CCDC91: variants seen among roughly 807,000 people sequenced by gnomAD.
CCDC91 encodes the protein coiled-coil domain containing 91, also known as coiled-coil domain-containing protein 91.
Under a neutral mutation model 63.2 loss-of-function variants are expected in CCDC91, and 48 were observed. The ratio of observed to expected loss-of-function variants is 0.76; its 90% CI spans 0.60 to 0.97. CCDC91 has a LOEUF of 0.97. Ranked by LOEUF, CCDC91 falls within the 50% of genes least tolerant of loss-of-function variation. The probability of loss-of-function intolerance (pLI) is 0.00; values close to 1 mark genes in which losing one functional copy is unlikely to be tolerated. For missense variants in CCDC91, 500 were observed against 494.6 expected, an observed-to-expected ratio of 1.01 and a Z score of -0.10; for synonymous variants, 167 against 165.8, an observed-to-expected ratio of 1.01 and a Z score of -0.06.
At chr12:28,445,759 T>C (rs1328794205) in intron 8 of CCDC91, among the ~76,000 whole-genome samples, 1 of 152,182 alleles carries the variant, frequency 6.6e-6, no homozygotes, top group Non-Finnish European at 1.5e-5. Context: ...AGGCCTCTTC[T>C]TTTGGCTTGT....
intron 8 of CCDC91, among the ~76,000 whole-genome samples, chr12:28,446,077 G>A (rs981667385): frequency 6.6e-6 from 1 of 152,138 alleles, no homozygotes; most frequent in Admixed American, 6.5e-5. Flanking sequence ...TAAAAACAAG[G>A]AGATTAAACC....
At chr12:28,425,525 C>T (rs563794213) in intron 8 of CCDC91, among the ~76,000 whole-genome samples, 1 of 152,206 alleles carries the variant, frequency 6.6e-6, no homozygotes, top group South Asian at 2.1e-4. Flanking sequence ...GTGTGCTGTT[C>T]CATAGGGAAA....
chr12:28,467,074 A>C (rs1950581994), intron 11 of CCDC91, among the ~76,000 whole-genome samples: 1 of 152,116 alleles, frequency 6.6e-6, no homozygotes, highest in Admixed American at 6.5e-5. Context: ...AGGAGACTAC[A>C]AAACAACCAC....
chr12:28,206,059 A>G (rs1259398323), intron 1 of CCDC91, among the ~76,000 whole-genome samples: 1 of 152,198 alleles, frequency 6.6e-6, no homozygotes, highest in Non-Finnish European at 1.5e-5. Flanking sequence ...TGTCCTGTTT[A>G]CAGGGGAAAA....
chr12:28,543,265 GGA>G (rs1942758445), intron 12 of CCDC91, among the ~76,000 whole-genome samples: 2 of 152,044 alleles, frequency 1.3e-5, no homozygotes, highest in Non-Finnish European at 2.9e-5. Flanking sequence ...TGTGGGGGTA[GGA>G]CTTGAACATA....
chr12:28,197,110 AT>A (rs963629099), intron 1 of CCDC91, among the ~76,000 whole-genome samples: 7 of 150,774 alleles, frequency 4.6e-5, no homozygotes, highest in African/African-American at 1.5e-4. Context: ...AAGTATATAC[AT>A]TTTTTTTTCA....
rs186963592 is a variant in CCDC91, at chr12:28,289,712, G to A, written c.110-15937G>A. 8.1e-3 allele frequency among the ~76,000 whole-genome samples: 811 copies of A among 100,484 alleles called. 14 individuals are homozygous for A. Among genetic ancestry groups the A allele is most frequent in the African/African-American group, 0.032 (787 of 24,436 alleles). The allele number at this position is 100,484 out of a possible 152,430, so 65.9% of individuals were successfully genotyped here. A position where few individuals can be genotyped will look rare whatever the true frequency, so the allele number is the denominator to read the frequency against. On this transcript the variant is annotated intron_variant, in intron 3 of 12. Transcript: ENST00000536442. ...TTTTTTTTTTTTTTTTTTTTTTGAC[G>A]ACGGAGTCTCACTCTGTTGCCCAGG...
intron 8 of CCDC91, among the ~76,000 whole-genome samples, chr12:28,418,215 C>T (rs2092276892): frequency 6.6e-6 from 1 of 152,096 alleles, no homozygotes; most frequent in Admixed American, 6.6e-5. Flanking sequence ...GGATTCTCAG[C>T]AGCTCTTGGC....
chr12:28,311,459 C>T (rs1265992412), intron 6 of CCDC91, among the ~76,000 whole-genome samples: 1 of 152,006 alleles, frequency 6.6e-6, no homozygotes, highest in African/African-American at 2.4e-5. Context: ...TCGAGGTCAT[C>T]TATGGGCACT....
intron 6 of CCDC91, among the ~76,000 whole-genome samples, chr12:28,345,418 A>T (rs1189088623): frequency 6.6e-6 from 1 of 152,106 alleles, no homozygotes; most frequent in Non-Finnish European, 1.5e-5. Context: ...TATATTGAAC[A>T]TTTAAGTGTT....
intron 12 of CCDC91, 23 bp from the exon 13 acceptor site, chr12:28,549,040 C>A: frequency 6.7e-7 from 1 of 1,484,626 alleles, no homozygotes; most frequent in Non-Finnish European, 9.4e-7. Context: ...CTCTTTCTCT[C>A]TCTCTTTAAA....
At chr12:28,207,440 G>A (rs1413411080) in intron 1 of CCDC91, among the ~76,000 whole-genome samples, 2 of 152,122 alleles carry the variant, frequency 1.3e-5, no homozygotes, top group African/African-American at 4.8e-5. Context: ...TTTGGATTCT[G>A]AAGGGGTTAA....
chr12:28,297,627 A>G (rs1949635262), intron 3 of CCDC91, among the ~76,000 whole-genome samples: 1 of 151,868 alleles, frequency 6.6e-6, no homozygotes, highest in Non-Finnish European at 1.5e-5. Flanking sequence ...AAGAAACAAA[A>G]TTTTATAGAT....
chr12:28,448,712 C>G (rs1450785846), intron 8 of CCDC91, among the ~76,000 whole-genome samples: 2 of 151,912 alleles, frequency 1.3e-5, no homozygotes, highest in African/African-American at 4.8e-5. Context: ...AAATTTTATT[C>G]TGTATTTTAA....
chr12:28,525,956 C>T (rs761155828), intron 12 of CCDC91, among the ~76,000 whole-genome samples: 2 of 151,974 alleles, frequency 1.3e-5, no homozygotes, highest in African/African-American at 2.4e-5. Flanking sequence ...TGTTGTTTTC[C>T]ATCCCTTTAC....
intron 3 of CCDC91, among the ~76,000 whole-genome samples, chr12:28,267,764 TATAATTATA>T (rs1947326002): frequency 1.4e-5 from 1 of 70,010 alleles, no homozygotes; most frequent in Non-Finnish European, 2.5e-5. Context: ...TATAATTATA[TATAATTATA>T]TTATTAATAT....
intron 2 of CCDC91, among the ~76,000 whole-genome samples, 153 bp downstream of exon 2, chr12:28,257,398 A>AT (rs1946525815): frequency 6.6e-6 from 1 of 152,080 alleles, no homozygotes; most frequent in South Asian, 2.1e-4. Flanking sequence ...ATCAAGAAAA[A>AT]TAAAAAAAAA....
chr12:28,506,172 T>C (rs1399050567), intron 12 of CCDC91, among the ~76,000 whole-genome samples: 1 of 151,944 alleles, frequency 6.6e-6, no homozygotes, highest in Non-Finnish European at 1.5e-5. Flanking sequence ...CAGACTAACT[T>C]TAGGAAAAGG....
chr12:28,359,439 T>G (rs76306413), intron 6 of CCDC91, among the ~76,000 whole-genome samples: 1 of 152,190 alleles, frequency 6.6e-6, no homozygotes, highest in African/African-American at 2.4e-5. Context: ...GATTGTCGAA[T>G]TTTTTTGGTA....
Sources: allele counts gnomAD v4.1 joint callset (sites outside exome capture counted in the v4.1 genomes callset), GRCh38; gene constraint gnomAD v4.1.1; transcripts MANE v1.5; gene names NCBI Gene and HGNC (gene_info 2026-07-23, HGNC 2026-07-21).